Variants in MCF2L2 observed in about 807,000 individuals in gnomAD.
MCF2L2 encodes MCF.2 cell line derived transforming sequence-like 2.
In MCF2L2, 102 loss-of-function variants were observed where a neutral mutation model predicts 150.2. The observed-to-expected ratio is 0.68, with a 90% CI of 0.58 to 0.80. MCF2L2 has a LOEUF of 0.80. MCF2L2 is among the 30% of genes least tolerant of loss of function. The probability of loss-of-function intolerance (pLI) is 0.00; values close to 1 mark genes in which losing one functional copy is unlikely to be tolerated. For missense variants in MCF2L2, 1,256 were observed against 1,372.8 expected, an observed-to-expected ratio of 0.91 and a Z score of 1.34; for synonymous variants, 465 against 491.3, an observed-to-expected ratio of 0.95 and a Z score of 0.71.
chr3:183,351,600 T>A (rs1183091079), intron 3 of MCF2L2, among the ~76,000 whole-genome samples: 1 of 152,084 alleles, frequency 6.6e-6, no homozygotes, highest in Non-Finnish European at 1.5e-5. Flanking sequence ...AGCACTAATA[T>A]GATTGTCATA....
At chr3:183,403,457 A>G (rs1714878390) in intron 1 of MCF2L2, among the ~76,000 whole-genome samples, 1 of 152,182 alleles carries the variant, frequency 6.6e-6, no homozygotes, top group Non-Finnish European at 1.5e-5. Context: ...TGGAGGGAAC[A>G]TGGGGGTTTT....
At chr3:183,368,854 G>A (rs531591807) in intron 3 of MCF2L2, among the ~76,000 whole-genome samples, 1 of 152,278 alleles carries the variant, frequency 6.6e-6, no homozygotes, top group African/African-American at 2.4e-5. Context: ...TGATAATACT[G>A]AATGTACATC....
intron 15 of MCF2L2, among the ~76,000 whole-genome samples, chr3:183,243,189 T>C (rs1267123485): frequency 2.0e-5 from 3 of 152,318 alleles, no homozygotes; most frequent in East Asian, 1.9e-4. Context: ...GAGTTAATGC[T>C]GAAATAAGTC....
chr3:183,371,463 GC>G (rs1712872461), intron 3 of MCF2L2, among the ~76,000 whole-genome samples: 1 of 141,408 alleles, frequency 7.1e-6, no homozygotes, highest in Non-Finnish European at 1.5e-5. Flanking sequence ...TCTCTGAGAA[GC>G]CTTTTTTTTT....
At chr3:183,247,947 A>G (rs1260187837) in intron 15 of MCF2L2, among the ~76,000 whole-genome samples, 1 of 152,208 alleles carries the variant, frequency 6.6e-6, no homozygotes, top group Non-Finnish European at 1.5e-5. Context: ...AAGGAAATCT[A>G]TTGCAAAAAG....
At position 183,183,579 on chromosome 3, in the gene MCF2L2, G is replaced by A. The variant is rs1721598887; in HGVS notation, c.3017-3420C>T. Among the ~76,000 whole-genome samples, 3 of 152,182 alleles carry A rather than the reference G, an allele frequency of 2.0e-5. No individual in the cohort carries two copies. The South Asian group carries it at 6.2e-4, about 32-fold the overall frequency. ...GTCACTCACTAGCTGTGTGATCTTGGATACATCACTTAACCTCTTGAGCAT... is the reference window on the plus strand; with the variant it reads ...GTCACTCACTAGCTGTGTGATCTTGAATACATCACTTAACCTCTTGAGCAT... On this transcript the variant is annotated intron_variant, in intron 27 of 29. Coordinates refer to ENST00000328913, the MANE Select transcript of MCF2L2 (RefSeq NM_015078.4).
intron 15 of MCF2L2, among the ~76,000 whole-genome samples, chr3:183,251,023 A>G (rs1724496651): frequency 6.6e-6 from 1 of 152,228 alleles, no homozygotes; most frequent in African/African-American, 2.4e-5. Flanking sequence ...GTGGGCACAG[A>G]GAAGTTTGCT....
At chr3:183,352,548 G>T (rs574888192) in intron 3 of MCF2L2, among the ~76,000 whole-genome samples, 79 of 152,260 alleles carry the variant, frequency 5.2e-4, no homozygotes, top group Middle Eastern at 3.4e-3. Flanking sequence ...ACTAAAGGCT[G>T]AGACTCTAAT....
intron 4 of MCF2L2, among the ~76,000 whole-genome samples, chr3:183,341,197 G>A (rs979027217): frequency 2.6e-5 from 4 of 152,208 alleles, no homozygotes; most frequent in Non-Finnish European, 4.4e-5. Context: ...GCCCCACTGC[G>A]GATCTGGAAG....
Position 183,270,537 on chromosome 3 carries a change from C to T in MCF2L2, c.1862+6335G>A, listed in dbSNP as rs1394533651. On this transcript the variant is annotated intron_variant, in intron 15 of 29. Transcript: ENST00000328913. This position sits in a 1 kb window ranked among gnomAD's most constrained non-coding sequence, Gnocchi z 4.5. ...CGTGTCCTATGAAATGTACCAGTGG[C>T]CAGCTTACCCTGACTACACAGCCGG... The T allele has an allele frequency of 6.8e-6, 11 of 1,613,984 alleles. No individual in the cohort carries two copies. In the East Asian group the frequency reaches 1.1e-4, roughly 16 times the overall value.
At chr3:183,187,554 C>T (rs779350436) in intron 27 of MCF2L2, among the ~76,000 whole-genome samples, 14 of 152,092 alleles carry the variant, frequency 9.2e-5, no homozygotes, top group Non-Finnish European at 1.9e-4. Flanking sequence ...CTGCAACCTC[C>T]GCTTCCTGAG....
chr3:183,242,173 GGAA>G (rs1433168525), intron 15 of MCF2L2, among the ~76,000 whole-genome samples: 5 of 151,898 alleles, frequency 3.3e-5, no homozygotes, highest in African/African-American at 1.2e-4. Context: ...TGCTCAAAAG[GGAA>G]GAAGAGCATA....
chr3:183,350,883 G>A (rs1315364363), intron 3 of MCF2L2, among the ~76,000 whole-genome samples: 4 of 149,098 alleles, frequency 2.7e-5, no homozygotes, highest in Admixed American at 6.7e-5. Flanking sequence ...CAGCCTGGGC[G>A]ACAGAGCGAG....
chr3:183,276,574 A>G, intron 15 of MCF2L2: 1 of 318,542 alleles, frequency 3.1e-6, no homozygotes, highest in Non-Finnish European at 5.7e-6. Flanking sequence ...TGTTTAAACC[A>G]ATAATTCAGT....
chr3:183,187,731 T>G (rs905296866), intron 27 of MCF2L2, among the ~76,000 whole-genome samples: 1 of 152,140 alleles, frequency 6.6e-6, no homozygotes, highest in African/African-American at 2.4e-5. Context: ...CCTCCCAAAG[T>G]GCTGGGATTA....
intron 17 of MCF2L2, among the ~76,000 whole-genome samples, chr3:183,228,819 T>C (rs1723446124): frequency 6.6e-6 from 1 of 152,204 alleles, no homozygotes; most frequent in South Asian, 2.1e-4. Context: ...GCTGCTGCTG[T>C]TGCTATTACT....
At position 183,339,929 on chromosome 3, in the gene MCF2L2, G is replaced by A. The variant is rs1451660586; in HGVS notation, c.367-1010C>T. Among the ~76,000 whole-genome samples, 8 of 152,136 alleles carry A rather than the reference G, an allele frequency of 5.3e-5. 1 individual carries two copies. Among genetic ancestry groups the A allele is most frequent in the Admixed American group, 2.0e-4 (3 of 15,270 alleles). ...ATGTTTTACATATAAAGTGATCAAC[G>A]TAATTCTGGGACAAATTAGGCTCAG... On this transcript the variant is annotated intron_variant, in intron 4 of 29. Coordinates refer to ENST00000328913, the MANE Select transcript of MCF2L2 (RefSeq NM_015078.4).
chr3:183,218,179 A>G (rs1233937363), intron 21 of MCF2L2, among the ~76,000 whole-genome samples: 1 of 152,218 alleles, frequency 6.6e-6, no homozygotes, highest in African/African-American at 2.4e-5. Flanking sequence ...TCTTTGGATG[A>G]GAGACATGAG....
At chr3:183,302,990 C>T (rs965065019) in intron 10 of MCF2L2, among the ~76,000 whole-genome samples, 6 of 151,904 alleles carry the variant, frequency 3.9e-5, no homozygotes, top group Admixed American at 2.6e-4. Context: ...GTCAGGAGAT[C>T]GAGACCATCC....
Sources: allele counts gnomAD v4.1 joint callset (sites outside exome capture counted in the v4.1 genomes callset), GRCh38; gene constraint gnomAD v4.1.1; non-coding constraint Gnocchi (gnomAD v3.1); transcripts MANE v1.5; gene names NCBI Gene and HGNC (gene_info 2026-07-23, HGNC 2026-07-21).